SATB2: variants seen among roughly 807,000 people sequenced by gnomAD.
The protein encoded by SATB2 is DNA-binding protein SATB2.
Under a neutral mutation model 73.4 loss-of-function variants are expected in SATB2, and 1 was observed. That is an observed-to-expected ratio of 0.01 (90% CI 0.00 to 0.06). SATB2 has a LOEUF of 0.06. Ranked by LOEUF, SATB2 falls within the 10% of genes least tolerant of loss-of-function variation. The probability of loss-of-function intolerance (pLI) is 1.00; values close to 1 mark genes in which losing one functional copy is unlikely to be tolerated. For synonymous variants in SATB2, 397 were observed against 367.0 expected (o/e 1.08, Z -0.93); for missense variants, 459 against 945.8 (o/e 0.49, Z 6.75).
Position 199,288,767 on chromosome 2 carries a change from A to G in SATB2, c.1741-16095T>C, listed in dbSNP as rs540543603. Reference sequence around the variant, plus strand: ...CATTATAATCAACCACTCTGGTAAAAGAAAAAAAAAATCTAGCATTACCAC... The same window carrying G: ...CATTATAATCAACCACTCTGGTAAAGGAAAAAAAAAATCTAGCATTACCAC... On this transcript the variant is annotated intron_variant, in intron 10 of 10. Transcript: ENST00000417098. Among the ~76,000 whole-genome samples, 21 of 152,290 alleles carry G rather than the reference A, an allele frequency of 1.4e-4. No individual in the cohort carries two copies. In the East Asian group the frequency reaches 2.9e-3, roughly 21 times the overall value.
At chr2:199,462,652 C>T (rs1387136701), upstream of SATB2, among the ~76,000 whole-genome samples, 1 of 152,198 alleles carries the variant, frequency 6.6e-6, no homozygotes, top group Non-Finnish European at 1.5e-5. This position sits in a 1 kb window ranked among gnomAD's most constrained non-coding sequence, Gnocchi z 5.9. Context: ...CCCCCGGCAG[C>T]TCAGGGGGTC....
intron 3 of SATB2, among the ~76,000 whole-genome samples, chr2:199,422,502 A>C (rs1691202821): frequency 6.6e-6 from 1 of 152,168 alleles, no homozygotes; most frequent in South Asian, 2.1e-4. Context: ...TCAATTTTAA[A>C]ATACATATCT....
intron 5 of SATB2, among the ~76,000 whole-genome samples, chr2:199,378,880 TG>T (rs1310969825): frequency 6.6e-6 from 1 of 152,222 alleles, no homozygotes. Flanking sequence ...TATAGAGGCT[TG>T]TCAACCAGGA....
chr2:199,363,068 C>T (rs897174952), intron 6 of SATB2, among the ~76,000 whole-genome samples: 1 of 152,168 alleles, frequency 6.6e-6, no homozygotes, highest in Non-Finnish European at 1.5e-5. Context: ...AAAGCAGTTA[C>T]AGTACAGCTG....
chr2:199,427,645 G>A (rs1186525067), intron 3 of SATB2, among the ~76,000 whole-genome samples: 1 of 151,664 alleles, frequency 6.6e-6, no homozygotes, highest in Non-Finnish European at 1.5e-5. Flanking sequence ...AGACGAGACA[G>A]GATTGGCCAT....
At position 199,271,912 on chromosome 2, in the gene SATB2, C is replaced by T; in HGVS notation, c.*299G>A. 2.3e-6 allele frequency: 1 copy of T among 436,154 alleles called. No homozygotes were observed. The highest frequency in any genetic ancestry group is 2.2e-5 in the South Asian group (1 of 45,054). The allele number at this position is 436,154 out of a possible 1,614,324, so 27.0% of individuals were successfully genotyped here. The stretch of plus-strand genomic sequence containing the variant: ...TGCAAGGATAATGAAGGCAGAGTCT[C>T]CTGTGATTATAATGACTATGATCCA... On this transcript the variant is annotated 3_prime_UTR_variant, in exon 11 of 11. Transcript: ENST00000417098.
chr2:199,436,533 A>G (rs1691658105), intron 2 of SATB2, among the ~76,000 whole-genome samples: 1 of 152,172 alleles, frequency 6.6e-6, no homozygotes, highest in Non-Finnish European at 1.5e-5. Context: ...CAGAACATAT[A>G]CATGAGATAC....
intron 7 of SATB2, among the ~76,000 whole-genome samples, chr2:199,336,179 C>T (rs888869072): frequency 6.6e-6 from 1 of 152,120 alleles, no homozygotes; most frequent in Non-Finnish European, 1.5e-5. Flanking sequence ...AGGCTATGCA[C>T]AATCCAAGTC....
rs1276225818 is a variant in SATB2, at chr2:199,457,381, C to G, written c.-102G>C. ...AAACTTGGCTGACTGGGGCTCTGTC[C>G]ATGGAGCAAAAGTAGAGAATCCAGG... On this transcript the variant is annotated 5_prime_UTR_variant, in exon 1 of 11. It removes an upstream start codon present in the reference 5' UTR. Coordinates refer to ENST00000417098, the MANE Select transcript of SATB2 (RefSeq NM_001172509.2). The surrounding 1 kb of genome is among the most constrained non-coding windows in gnomAD (Gnocchi z 4.8). 1 of 152,460 alleles carries G rather than the reference C, an allele frequency of 6.6e-6. No homozygotes were observed. The highest frequency in any genetic ancestry group is 1.5e-5 in the Non-Finnish European group (1 of 68,266). The allele number at this position is 152,460 out of a possible 1,614,324, so 9.4% of individuals were successfully genotyped here.
upstream of SATB2, chr2:199,458,818 G>A (rs561287338): frequency 2.0e-4 from 68 of 337,776 alleles, no homozygotes; most frequent in African/African-American, 1.3e-3. Context: ...CGGTGCCTGC[G>A]AGCTCCCCCT....
chr2:199,373,391 A>G (rs1689506143), intron 5 of SATB2, among the ~76,000 whole-genome samples: 1 of 152,130 alleles, frequency 6.6e-6, no homozygotes, highest in Admixed American at 6.5e-5. Context: ...AAATTCATTT[A>G]ATGTCATTTG....
chr2:199,339,186 AC>A (rs1402561734), intron 7 of SATB2, among the ~76,000 whole-genome samples: 1 of 152,096 alleles, frequency 6.6e-6, no homozygotes, highest in East Asian at 1.9e-4. Flanking sequence ...CTATCAATCC[AC>A]GTTTTGTGGC....
intron 1 of SATB2, 67 bp from the exon 2 acceptor site, chr2:199,456,163 T>G: frequency 1.3e-5 from 12 of 910,686 alleles, no homozygotes; most frequent in Non-Finnish European, 1.2e-5. Flanking sequence ...ATACACGTGA[T>G]AGACGTTCAG....
At chr2:199,386,551 A>G (rs1689938914) in intron 3 of SATB2, among the ~76,000 whole-genome samples, 2 of 152,250 alleles carry the variant, frequency 1.3e-5, no homozygotes, top group Admixed American at 1.3e-4. Flanking sequence ...TTGCAGCACT[A>G]GAGAAATGTC....
At chr2:199,449,925 A>G (rs1405694513) in intron 2 of SATB2, among the ~76,000 whole-genome samples, 1 of 152,124 alleles carries the variant, frequency 6.6e-6, no homozygotes, top group Non-Finnish European at 1.5e-5. Flanking sequence ...AAAAGAATAG[A>G]AACTAAAAGG....
At chr2:199,331,337 T>C (rs1005978260) in intron 7 of SATB2, among the ~76,000 whole-genome samples, 4 of 152,068 alleles carry the variant, frequency 2.6e-5, no homozygotes, top group Non-Finnish European at 5.9e-5. Context: ...TCCTTGAGAA[T>C]GACTGCTCAA....
At chr2:199,421,845 T>C (rs890249348) in intron 3 of SATB2, among the ~76,000 whole-genome samples, 2 of 152,132 alleles carry the variant, frequency 1.3e-5, no homozygotes, top group African/African-American at 4.8e-5. Flanking sequence ...AAAGTTTTTG[T>C]AAAAAAATCT....
intron 2 of SATB2, among the ~76,000 whole-genome samples, chr2:199,454,276 G>T (rs545824789): frequency 2.0e-5 from 3 of 152,084 alleles, no homozygotes; most frequent in Non-Finnish European, 4.4e-5. Context: ...TCTTCAGAAA[G>T]ATACCAAAAT....
intron 3 of SATB2, chr2:199,423,999 G>A (rs1458389441): frequency 6.6e-6 from 1 of 152,214 alleles, no homozygotes; most frequent in Admixed American, 6.5e-5. Context: ...ATAGCCCACA[G>A]CGATCTTTTC....
Sources: allele counts gnomAD v4.1 joint callset (sites outside exome capture counted in the v4.1 genomes callset), GRCh38; gene constraint gnomAD v4.1.1; non-coding constraint Gnocchi (gnomAD v3.1); transcripts MANE v1.5; gene names NCBI Gene and HGNC (gene_info 2026-07-23, HGNC 2026-07-21).